GATA2: variants seen among roughly 807,000 people sequenced by gnomAD.
GATA2 encodes the protein GATA binding protein 2.
GATA2 carries 6 observed loss-of-function variants against 35.7 expected under a neutral mutation model. That is an observed-to-expected ratio of 0.17 (90% CI 0.09 to 0.33). The LOEUF is 0.33. GATA2 is among the 10% of genes least tolerant of loss of function. The pLI is 1.00. For missense variants in GATA2, 541 were observed against 656.6 expected (o/e 0.82, Z 1.92); for synonymous variants, 313 against 274.9 (o/e 1.14, Z -1.37).
chr3:128,487,168 GC>G, intron 1 of GATA2, 92 bp from the exon 2 acceptor site: 1 of 692,956 alleles, frequency 1.4e-6, no homozygotes, highest in Non-Finnish European at 2.4e-6. Flanking sequence ...CGGAGCCCCA[GC>G]CCAGATCCGG....
rs776297795 is a variant in GATA2, at chr3:128,480,986, G to A, written c.*33C>T. 73 of 1,518,536 alleles carry A rather than the reference G, an allele frequency of 4.8e-5. No individual in the cohort carries two copies. Among genetic ancestry groups the A allele is most frequent in the Non-Finnish European group, 6.3e-5 (71 of 1,132,268 alleles). The allele number at this position is 1,518,536 out of a possible 1,614,324, so 94.1% of individuals were successfully genotyped here. ...GCTAAGGGTTTGGTCCACCCATCCCGGGAGTGCCCGGTCCTCGACGTCCAT... is the reference window on the plus strand; with the variant it reads ...GCTAAGGGTTTGGTCCACCCATCCCAGGAGTGCCCGGTCCTCGACGTCCAT... On this transcript the variant is annotated 3_prime_UTR_variant, in exon 6 of 6. Coordinates refer to ENST00000341105, the MANE Select transcript of GATA2 (RefSeq NM_032638.5).
chr3:128,488,417 G>C lies in GATA2; in HGVS notation c.-45-1341C>G, dbSNP rs1435667537. The stretch of plus-strand genomic sequence containing the variant: ...GACTGGGGGTTGGGATGGTTCGGAC[G>C]ACAGCGGCGGAACAGCAGGAGCCGA... On this transcript the variant is annotated intron_variant, in intron 1 of 5. Transcript: ENST00000341105. This position sits in a 1 kb window ranked among gnomAD's most constrained non-coding sequence, Gnocchi z 5.8. 6.5e-6 allele frequency: 1 copy of C among 152,912 alleles called. No homozygotes were observed. The highest frequency in any genetic ancestry group is 6.5e-5 in the Admixed American group (1 of 15,284). 9.5% of individuals were successfully genotyped at this position (152,912 alleles called of 1,614,324 possible).
chr3:128,481,301 G>T lies in GATA2; in HGVS notation c.1161C>A (p.Thr387=), dbSNP rs775990572. 4 of 1,613,536 alleles carry T rather than the reference G, an allele frequency of 2.5e-6. No homozygotes were observed. The highest frequency in any genetic ancestry group is 1.1e-5 in the South Asian group (1 of 91,086). Residue 387 remains threonine (T), a synonymous_variant, in exon 6 of 6, where the codon ACC becomes ACA. Coordinates refer to ENST00000341105, the MANE Select transcript of GATA2 (RefSeq NM_032638.5). ...YKLHNVNRPL[T]MKKEGIQTRN... is the part of the protein sequence containing the mutation. ...GAGTCTGGATCCCTTCCTTCTTCAT[G>T]GTCAGTGGCCTGTTAACCTAGAGGC...
intron 3 of GATA2, among the ~76,000 whole-genome samples, chr3:128,485,247 T>C (rs770962464): frequency 8.5e-5 from 13 of 152,166 alleles, no homozygotes; most frequent in African/African-American, 3.1e-4. Context: ...TCAGACTGAT[T>C]GAGTTAGAGA....
rs1576744514 is a variant in GATA2, at chr3:128,481,268, C to G, written c.1194G>C (p.Arg398=). 1.9e-6 allele frequency: 3 copies of G among 1,614,212 alleles called. No individual in the cohort carries two copies. Among genetic ancestry groups the G allele is most frequent in the East Asian group, 2.2e-5 (1 of 44,886 alleles). Residue 398 remains arginine, a synonymous_variant, in exon 6 of 6, where the codon CGG becomes CGC. Transcript: ENST00000341105. ...MKKEGIQTRN[R]KMSNKSKKSK... Reference sequence around the variant, plus strand: ...TCTTCTTGGACTTGTTGGACATCTTCCGGTTCCGAGTCTGGATCCCTTCCT... The same window carrying G: ...TCTTCTTGGACTTGTTGGACATCTTGCGGTTCCGAGTCTGGATCCCTTCCT...
At chr3:128,485,264 T>C (rs2068679849) in intron 3 of GATA2, among the ~76,000 whole-genome samples, 1 of 152,140 alleles carries the variant, frequency 6.6e-6, no homozygotes, top group Non-Finnish European at 1.5e-5. Context: ...GAGACCCAGA[T>C]TCCTTAATGG....
Position 128,483,998 on chromosome 3 carries a change from C to T in GATA2, c.879G>A (p.Arg293=), listed in dbSNP as rs753388360. The change falls in exon 4 of 6, where the codon CGG becomes CGA. Residue 293 remains arginine, a synonymous_variant. Transcript: ENST00000341105. ...RSKARSCSEG[R]ECVNCGATAT... ...CTGTGGCCCCACAGTTGACACACTC[C>T]CGGCCTTCTGCAGGGGAACAGGGAG... 1 of 1,613,594 alleles carries T rather than the reference C, an allele frequency of 6.2e-7. No homozygotes were observed. Among genetic ancestry groups the T allele is most frequent in the Non-Finnish European group, 8.5e-7 (1 of 1,179,990 alleles).
At chr3:128,492,141 C>A (rs112152365) in intron 1 of GATA2, 1 of 152,232 alleles carries the variant, frequency 6.6e-6, no homozygotes, top group African/African-American at 2.4e-5. Flanking sequence ...CCTTGTTTTC[C>A]GGTAAAGGAG....
intron 3 of GATA2, among the ~76,000 whole-genome samples, chr3:128,485,199 T>C (rs2068678787): frequency 6.6e-6 from 1 of 151,722 alleles, no homozygotes; most frequent in Non-Finnish European, 1.5e-5. Context: ...CTGGGGAAAA[T>C]CTCCCGAGGA....
chr3:128,487,066 C>T lies in GATA2; in HGVS notation c.-35G>A, dbSNP rs780248544. On this transcript the variant is annotated 5_prime_UTR_variant, in exon 2 of 6. Coordinates refer to ENST00000341105, the MANE Select transcript of GATA2 (RefSeq NM_032638.5). Reference sequence around the variant, plus strand: ...CGGCGGCTCAGGGTCTGGGTGCAGACGGCAACGGCCCTGCGCGAGGAAGGG... The same window carrying T: ...CGGCGGCTCAGGGTCTGGGTGCAGATGGCAACGGCCCTGCGCGAGGAAGGG... The T allele has an allele frequency of 6.6e-6, 10 of 1,513,124 alleles. No individual in the cohort carries two copies. In the African/African-American group the frequency reaches 1.4e-4, roughly 21 times the overall value. The allele number at this position is 1,513,124 out of a possible 1,614,324, so 93.7% of individuals were successfully genotyped here. A position where few individuals can be genotyped will look rare whatever the true frequency, so the allele number is the denominator to read the frequency against.
chr3:128,487,453 G>A (rs538632110), intron 1 of GATA2, among the ~76,000 whole-genome samples: 1 of 152,068 alleles, frequency 6.6e-6, no homozygotes, highest in South Asian at 2.1e-4. Flanking sequence ...ACAGGCGCCC[G>A]GGCACCCAGT....
chr3:128,484,796 G>A (rs912702663), intron 3 of GATA2, among the ~76,000 whole-genome samples: 2 of 152,158 alleles, frequency 1.3e-5, no homozygotes, highest in African/African-American at 4.8e-5. Flanking sequence ...GCCAGCGGGG[G>A]CTGGGGCTGG....
rs193252096 is a variant in GATA2, at chr3:128,482,010, C to G, written c.1018-66G>C. ...CCCACCTCGACCCCCCTCCCTGACC[C>G]TCGCTCCACCCCCAGTCCCCACCAG... On this transcript the variant is annotated intron_variant, in intron 4 of 5. Coordinates refer to ENST00000341105, the MANE Select transcript of GATA2 (RefSeq NM_032638.5). The G allele has an allele frequency of 7.7e-5, 123 of 1,592,334 alleles. No individual in the cohort carries two copies. In the East Asian group the frequency reaches 2.5e-3, roughly 33 times the overall value.
At chr3:128,486,655 G>C in intron 2 of GATA2, 148 bp downstream of exon 2, 2 of 899,570 alleles carry the variant, frequency 2.2e-6, no homozygotes, top group Non-Finnish European at 3.4e-6. Flanking sequence ...TCCCCAATCG[G>C]CCGCTGCTCC....
Position 128,488,502 on chromosome 3 carries a change from C to G in GATA2, c.-45-1426G>C, listed in dbSNP as rs2068735966. Reference sequence around the variant, plus strand: ...AGAGGGCACCTGGGCCTCGGACACGCGGCCGCTCAGGGCTGTGCTTGACCC... The same window carrying G: ...AGAGGGCACCTGGGCCTCGGACACGGGGCCGCTCAGGGCTGTGCTTGACCC... On this transcript the variant is annotated intron_variant, in intron 1 of 5. Coordinates refer to ENST00000341105, the MANE Select transcript of GATA2 (RefSeq NM_032638.5). The surrounding 1 kb of genome is among the most constrained non-coding windows in gnomAD (Gnocchi z 5.8). 1 of 152,444 alleles carries G rather than the reference C, an allele frequency of 6.6e-6. No homozygotes were observed. Among genetic ancestry groups the G allele is most frequent in the Non-Finnish European group, 1.5e-5 (1 of 68,240 alleles). 9.4% of individuals were successfully genotyped at this position (152,444 alleles called of 1,614,324 possible).
Position 128,480,987 on chromosome 3 carries a change from G to T in GATA2, c.*32C>A. ...CTAAGGGTTTGGTCCACCCATCCCG[G>T]GAGTGCCCGGTCCTCGACGTCCATC... is the stretch of plus-strand genomic sequence containing the variant. On this transcript the variant is annotated 3_prime_UTR_variant, in exon 6 of 6. Coordinates refer to ENST00000341105, the MANE Select transcript of GATA2 (RefSeq NM_032638.5). The T allele has an allele frequency of 6.6e-7, 1 of 1,520,704 alleles. No homozygotes were observed. Among genetic ancestry groups the T allele is most frequent in the Non-Finnish European group, 8.8e-7 (1 of 1,133,104 alleles). 94.2% of individuals were successfully genotyped at this position (1,520,704 alleles called of 1,614,324 possible). A position where few individuals can be genotyped will look rare whatever the true frequency, so the allele number is the denominator to read the frequency against.
intron 5 of GATA2, 134 bp from the exon 6 acceptor site, chr3:128,481,452 A>G (rs760459214): frequency 4.0e-6 from 4 of 994,178 alleles, no homozygotes; most frequent in Non-Finnish European, 6.3e-6. Context: ...CGACCTTCAT[A>G]GTCCCATCAC....
chr3:128,481,325 G>T lies in GATA2; in HGVS notation c.1144-7C>A, dbSNP rs763432776. ...TGGTCAGTGGCCTGTTAACCTAGAGGCAACCACCAGTTTTCAGAGGGCCAG... is the reference window on the plus strand; with the variant it reads ...TGGTCAGTGGCCTGTTAACCTAGAGTCAACCACCAGTTTTCAGAGGGCCAG... On this transcript the variant is annotated splice_polypyrimidine_tract_variant and splice_region_variant and intron_variant, in intron 5 of 5. Transcript: ENST00000341105. 2 of 1,611,336 alleles carry T rather than the reference G, an allele frequency of 1.2e-6. No individual in the cohort carries two copies. The highest frequency in any genetic ancestry group is 4.5e-5 in the East Asian group (2 of 44,888).
chr3:128,484,519 C>T (rs2068670510), intron 3 of GATA2, among the ~76,000 whole-genome samples: 1 of 152,202 alleles, frequency 6.6e-6, no homozygotes, highest in Admixed American at 6.5e-5. Flanking sequence ...CCCAACTTTT[C>T]TCCTCTTCCA....
Sources: allele counts gnomAD v4.1 joint callset (sites outside exome capture counted in the v4.1 genomes callset), GRCh38; gene constraint gnomAD v4.1.1; non-coding constraint Gnocchi (gnomAD v3.1); transcripts MANE v1.5; gene names NCBI Gene and HGNC (gene_info 2026-07-23, HGNC 2026-07-21).